LDAH: variants seen among roughly 807,000 people sequenced by gnomAD.
The protein encoded by LDAH is lipid droplet associated hydrolase, also known as lipid droplet-associated hydrolase.
Under a neutral mutation model 29.6 loss-of-function variants are expected in LDAH, and 26 were observed. The ratio of observed to expected loss-of-function variants is 0.88; its 90% CI spans 0.64 to 1.22. LDAH has a LOEUF of 1.22. LDAH is among the 50% of genes most tolerant of loss of function. LDAH has a pLI of 0.00. For missense variants in LDAH, 344 were observed against 387.3 expected, an observed-to-expected ratio of 0.89 and a Z score of 0.94; for synonymous variants, 117 against 133.0, an observed-to-expected ratio of 0.88 and a Z score of 0.83.
intron 5 of LDAH, among the ~76,000 whole-genome samples, chr2:20,728,526 T>C (rs980216419): frequency 3.9e-5 from 5 of 127,036 alleles, no homozygotes; most frequent in African/African-American, 1.4e-4. Flanking sequence ...AAGTCTTCTG[T>C]TGAGTGTTGC....
At chr2:20,762,167 T>C (rs1324308412) in intron 4 of LDAH, among the ~76,000 whole-genome samples, 2 of 152,144 alleles carry the variant, frequency 1.3e-5, no homozygotes, top group African/African-American at 4.8e-5. Context: ...TACCTAACCT[T>C]GCCTTTAAGG....
intron 4 of LDAH, among the ~76,000 whole-genome samples, chr2:20,763,742 G>A (rs938869143): frequency 2.6e-5 from 4 of 152,100 alleles, no homozygotes; most frequent in Non-Finnish European, 5.9e-5. Flanking sequence ...GGAACTTTTC[G>A]ATATCTGACA....
chr2:20,770,118 A>G (rs1386599377), intron 4 of LDAH, among the ~76,000 whole-genome samples: 2 of 152,204 alleles, frequency 1.3e-5, no homozygotes, highest in African/African-American at 2.4e-5. Context: ...CTAAGAAAAA[A>G]TTCCTCTATA....
intron 6 of LDAH, among the ~76,000 whole-genome samples, chr2:20,688,982 C>T (rs902313298): frequency 6.6e-6 from 1 of 151,962 alleles, no homozygotes; most frequent in Non-Finnish European, 1.5e-5. Context: ...AATGCTATCC[C>T]TCCCCTACCC....
At chr2:20,816,531 G>A (rs1246276819) in intron 1 of LDAH, among the ~76,000 whole-genome samples, 1 of 151,776 alleles carries the variant, frequency 6.6e-6, no homozygotes, top group Non-Finnish European at 1.5e-5. Context: ...AAAGATACAA[G>A]GATTAATTCA....
At chr2:20,797,538 A>G (rs1414279997) in intron 2 of LDAH, among the ~76,000 whole-genome samples, 1 of 152,174 alleles carries the variant, frequency 6.6e-6, no homozygotes, top group East Asian at 1.9e-4. Flanking sequence ...TCATGGTTTT[A>G]GTACTGAAAG....
chr2:20,822,147 C>T (rs930105188), intron 1 of LDAH, among the ~76,000 whole-genome samples: 1 of 143,550 alleles, frequency 7.0e-6, no homozygotes, highest in African/African-American at 2.6e-5. Context: ...TTTTTTGAGA[C>T]TGAGTCTCAC....
intron 1 of LDAH, among the ~76,000 whole-genome samples, chr2:20,820,270 A>G (rs1244195259): frequency 6.6e-6 from 1 of 152,188 alleles, no homozygotes; most frequent in Non-Finnish European, 1.5e-5. Flanking sequence ...ACTACTTTAA[A>G]GTTCATATGG....
chr2:20,702,875 C>CG (rs1323450906), intron 5 of LDAH, among the ~76,000 whole-genome samples: 1 of 152,134 alleles, frequency 6.6e-6, no homozygotes, highest in Non-Finnish European at 1.5e-5. Flanking sequence ...CTTTGTTGCC[C>CG]GGGCTGGAGG....
intron 5 of LDAH, among the ~76,000 whole-genome samples, chr2:20,735,968 A>C (rs924609182): frequency 5.9e-5 from 9 of 152,170 alleles, no homozygotes; most frequent in Non-Finnish European, 1.0e-4. Flanking sequence ...CAGGGCAGTG[A>C]TGAAAGTCTT....
chr2:20,804,884 G>A (rs1671954986), intron 1 of LDAH, among the ~76,000 whole-genome samples: 1 of 152,012 alleles, frequency 6.6e-6, no homozygotes, highest in Admixed American at 6.6e-5. Context: ...ATTTTCTTAT[G>A]GACTGAATTT....
At chr2:20,704,940 G>T (rs933413407) in intron 5 of LDAH, among the ~76,000 whole-genome samples, 8 of 152,142 alleles carry the variant, frequency 5.3e-5, no homozygotes, top group African/African-American at 1.9e-4. Context: ...ATCTTGGACG[G>T]GTTGCTCTCC....
intron 3 of LDAH, chr2:20,789,355 G>A (rs917873157): frequency 7.2e-5 from 109 of 1,513,624 alleles, no homozygotes; most frequent in Non-Finnish European, 8.5e-5. Context: ...GAATCGGGAA[G>A]TAGGTTTTCA....
intron 1 of LDAH, among the ~76,000 whole-genome samples, chr2:20,808,834 C>T (rs1335655143): frequency 6.6e-6 from 1 of 152,124 alleles, no homozygotes; most frequent in Non-Finnish European, 1.5e-5. Context: ...CTTCATGATT[C>T]ATGACAATGG....
At chr2:20,783,235 G>A (rs61662529) in intron 3 of LDAH, among the ~76,000 whole-genome samples, 33,243 of 152,000 alleles carry the variant, frequency 0.22, 4,780 homozygotes, top group East Asian at 0.5. Flanking sequence ...TTTATGGCCC[G>A]GAATGTAGTC....
downstream of LDAH, among the ~76,000 whole-genome samples, chr2:20,682,747 T>C (rs536597145): frequency 9.2e-5 from 14 of 152,298 alleles, no homozygotes; most frequent in South Asian, 1.5e-3. Flanking sequence ...AATAGTTGCA[T>C]TGGGGATTAA....
At chr2:20,763,945 T>C (rs1021315519) in intron 4 of LDAH, among the ~76,000 whole-genome samples, 4 of 148,704 alleles carry the variant, frequency 2.7e-5, no homozygotes, top group Admixed American at 6.9e-5. Context: ...TTTTCCATGC[T>C]TGGTTTCAGC....
chr2:20,693,016 C>G (rs1412958351), intron 6 of LDAH, among the ~76,000 whole-genome samples: 2 of 152,186 alleles, frequency 1.3e-5, no homozygotes, highest in Non-Finnish European at 2.9e-5. Context: ...GTACAGGTCC[C>G]TGAGCCATAT....
chr2:20,685,480 CCT>C lies in LDAH; in HGVS notation c.*1421_*1422del. On this transcript the variant is annotated 3_prime_UTR_variant, in exon 7 of 7. Transcript: ENST00000237822. ...TCCTTGTCTGGAGCTTGGCTTTTCC[CCT>C]CTGAGAAGTCACTTGCTGTGATGTA... 6.6e-7 allele frequency: 1 copy of C among 1,525,490 alleles called. No homozygotes were observed. Among genetic ancestry groups the C allele is most frequent in the Non-Finnish European group, 8.8e-7 (1 of 1,135,218 alleles). 94.5% of individuals were successfully genotyped at this position (1,525,490 alleles called of 1,614,324 possible). A position where few individuals can be genotyped will look rare whatever the true frequency, so the allele number is the denominator to read the frequency against.
Sources: allele counts gnomAD v4.1 joint callset (sites outside exome capture counted in the v4.1 genomes callset), GRCh38; gene constraint gnomAD v4.1.1; transcripts MANE v1.5; gene names NCBI Gene and HGNC (gene_info 2026-07-23, HGNC 2026-07-21).